SNTG1: variants seen among roughly 807,000 people sequenced by gnomAD.
The protein encoded by SNTG1 is syntrophin gamma 1, also known as gamma-1-syntrophin.
A neutral mutation model predicts 74.7 loss-of-function variants in SNTG1; 39 were observed. That is an observed-to-expected ratio of 0.52 (90% CI 0.40 to 0.68). The LOEUF is 0.68. Among genes scored for constraint, SNTG1 ranks in the 30% least tolerant of loss-of-function variants. SNTG1 has a pLI of 0.00. For missense variants in SNTG1, 685 were observed against 609.5 expected (o/e 1.12, Z -1.30); for synonymous variants, 254 against 217.1 (o/e 1.17, Z -1.49).
intron 18 of SNTG1, among the ~76,000 whole-genome samples, chr8:50,774,386 G>T (rs1424902625): frequency 6.6e-6 from 1 of 151,772 alleles, no homozygotes; most frequent in Admixed American, 6.6e-5. Flanking sequence ...GCAAAGAGTC[G>T]TTAATAAGAA....
chr8:50,069,843 G>A (rs963062801), intron 1 of SNTG1, among the ~76,000 whole-genome samples: 1 of 151,692 alleles, frequency 6.6e-6, no homozygotes, highest in African/African-American at 2.4e-5. Context: ...GGCTCTCTAG[G>A]CAAAGCTTGC....
In SNTG1 at chr8:49,993,862, G is replaced by A. The variant is rs972207445; in HGVS notation, c.-103+81631G>A. ...TGTTATTGTGTTCTCTGGGATTTAT[G>A]TTGAAGAGTGGTGTTGATTATTGAA... is the stretch of plus-strand genomic sequence containing the variant. On this transcript the variant is annotated intron_variant, in intron 1 of 18. Coordinates refer to ENST00000642720, the MANE Select transcript of SNTG1 (RefSeq NM_018967.5). Among the ~76,000 whole-genome samples, 5 of 152,164 alleles carry A rather than the reference G, an allele frequency of 3.3e-5. No individual in the cohort carries two copies. The East Asian group carries it at 7.7e-4, about 23-fold the overall frequency.
intron 2 of SNTG1, among the ~76,000 whole-genome samples, chr8:50,180,496 G>A (rs758865461): frequency 3.9e-5 from 6 of 152,128 alleles, no homozygotes; most frequent in Non-Finnish European, 8.8e-5. Flanking sequence ...TTTGCACAAT[G>A]TTGTGAATTT....
chr8:50,730,879 C>A (rs1008148592), intron 17 of SNTG1, among the ~76,000 whole-genome samples: 4 of 152,066 alleles, frequency 2.6e-5, no homozygotes, highest in Non-Finnish European at 4.4e-5. Flanking sequence ...CGCTACTAAA[C>A]TAGTTTGAAA....
At chr8:50,386,278 A>AT (rs1284273145) in intron 2 of SNTG1, among the ~76,000 whole-genome samples, 1 of 151,982 alleles carries the variant, frequency 6.6e-6, no homozygotes, top group African/African-American at 2.4e-5. Context: ...CCCTCTTCTG[A>AT]TTGGTGGACC....
intron 2 of SNTG1, among the ~76,000 whole-genome samples, chr8:50,186,708 C>A (rs990407618): frequency 6.6e-6 from 1 of 151,754 alleles, no homozygotes; most frequent in Non-Finnish European, 1.5e-5. Context: ...CCTTTTAACA[C>A]TTTTTGATGG....
intron 8 of SNTG1, among the ~76,000 whole-genome samples, chr8:50,480,453 T>C (rs893712322): frequency 1.3e-5 from 2 of 152,208 alleles, no homozygotes; most frequent in African/African-American, 4.8e-5. Context: ...ATGCTTGGTT[T>C]ATTTAAATTT....
At chr8:50,327,898 A>G (rs972586988) in intron 2 of SNTG1, among the ~76,000 whole-genome samples, 1 of 152,168 alleles carries the variant, frequency 6.6e-6, no homozygotes, top group African/African-American at 2.4e-5. Context: ...AGCAACTTCA[A>G]ATAACTACTT....
At chr8:50,430,405 C>A (rs1382169674) in intron 4 of SNTG1, among the ~76,000 whole-genome samples, 1 of 152,170 alleles carries the variant, frequency 6.6e-6, no homozygotes, top group Non-Finnish European at 1.5e-5. Flanking sequence ...TTAGCCTCCT[C>A]ATCTTGCTTA....
chr8:50,299,880 A>G (rs2130652887), intron 2 of SNTG1, among the ~76,000 whole-genome samples: 2 of 152,210 alleles, frequency 1.3e-5, no homozygotes, highest in Admixed American at 1.3e-4. Flanking sequence ...TAACCCATTT[A>G]CTAAACTTTG....
At chr8:50,391,860 C>T (rs182648800) in intron 2 of SNTG1, among the ~76,000 whole-genome samples, 39 of 152,158 alleles carry the variant, frequency 2.6e-4, no homozygotes, top group Admixed American at 1.8e-3. Flanking sequence ...TCCAAAACCC[C>T]ATAACCACAC....
intron 18 of SNTG1, among the ~76,000 whole-genome samples, chr8:50,763,684 G>GTGTGTGTGTGTGTGTT (rs1398306642): frequency 2.0e-5 from 3 of 148,812 alleles, no homozygotes; most frequent in African/African-American, 7.4e-5. Context: ...GTGTGTGTGT[G>GTGTGTGTGTGTGTGTT]TGTGTGTGGT....
intron 4 of SNTG1, among the ~76,000 whole-genome samples, chr8:50,421,057 G>A (rs865789686): frequency 8.9e-6 from 1 of 112,430 alleles, no homozygotes; most frequent in Admixed American, 9.3e-5. Context: ...GGGGGAGGGG[G>A]GGGCGAAGAT....
intron 1 of SNTG1, among the ~76,000 whole-genome samples, chr8:50,170,511 G>T (rs886953021): frequency 1.3e-5 from 2 of 151,994 alleles, no homozygotes; most frequent in Non-Finnish European, 2.9e-5. Context: ...GACATATGTG[G>T]GGATACAGTA....
chr8:50,586,652 TACACACACACAC>T (rs3036686), intron 12 of SNTG1, among the ~76,000 whole-genome samples: 1 of 149,338 alleles, frequency 6.7e-6, no homozygotes, highest in African/African-American at 2.5e-5. Context: ...ATTTCATTAA[TACACACACACAC>T]ACACACACAC....
chr8:50,416,250 T>C (rs1002215819), intron 4 of SNTG1, among the ~76,000 whole-genome samples: 9 of 152,170 alleles, frequency 5.9e-5, no homozygotes, highest in Non-Finnish European at 1.0e-4. Flanking sequence ...GCACACTAAA[T>C]ATTCCTGGAT....
Position 50,106,104 on chromosome 8 carries a change from G to T in SNTG1, c.-102-66457G>T, listed in dbSNP as rs562907256. Among the ~76,000 whole-genome samples, 26 of 152,170 alleles carry T rather than the reference G, an allele frequency of 1.7e-4. No homozygotes were observed. The South Asian group carries it at 5.2e-3, about 30-fold the overall frequency. The stretch of plus-strand genomic sequence containing the variant: ...TACACTGCTATAAATAACTACCTGG[G>T]ACTGGTTAATCTATGAAGAAAAGAA... On this transcript the variant is annotated intron_variant, in intron 1 of 18. Coordinates refer to ENST00000642720, the MANE Select transcript of SNTG1 (RefSeq NM_018967.5).
At chr8:50,557,154 G>A (rs778766113) in intron 12 of SNTG1, among the ~76,000 whole-genome samples, 2 of 151,404 alleles carry the variant, frequency 1.3e-5, no homozygotes, top group Admixed American at 6.6e-5. Context: ...TTCTTTAGGG[G>A]CTGATCCCTC....
At chr8:50,055,103 C>T (rs1819913598) in intron 1 of SNTG1, among the ~76,000 whole-genome samples, 1 of 152,120 alleles carries the variant, frequency 6.6e-6, no homozygotes, top group South Asian at 2.1e-4. Flanking sequence ...TTCAGACTCA[C>T]TCTTTCCCAC....
Sources: allele counts gnomAD v4.1 joint callset (sites outside exome capture counted in the v4.1 genomes callset), GRCh38; gene constraint gnomAD v4.1.1; transcripts MANE v1.5; gene names NCBI Gene and HGNC (gene_info 2026-07-23, HGNC 2026-07-21).